HECW1: variants seen among roughly 807,000 people sequenced by gnomAD.
HECW1 encodes the protein HECT, C2 and WW domain containing E3 ubiquitin protein ligase 1, also known as E3 ubiquitin-protein ligase HECW1.
Under a neutral mutation model 182.3 loss-of-function variants are expected in HECW1, and 61 were observed. The observed-to-expected ratio is 0.33, with a 90% CI of 0.27 to 0.41. The LOEUF is 0.41. Ranked by LOEUF, HECW1 falls within the 10% of genes least tolerant of loss-of-function variation. HECW1 has a pLI of 1.00. For missense variants in HECW1, 1,739 were observed against 2,108.9 expected (o/e 0.82, Z 3.44); for synonymous variants, 859 against 832.6 (o/e 1.03, Z -0.55).
rs1028808567 is a variant in HECW1, at chr7:43,456,291, C to T, written c.2501-6C>T. ...TTTTTCTTTTTGCCTTTTTATTAAA[C>T]ACTAGACTGGGAAGCTCGAATTGAC... is the stretch of plus-strand genomic sequence containing the variant. On this transcript the variant is annotated splice_polypyrimidine_tract_variant and splice_region_variant and intron_variant, in intron 12 of 29. Coordinates refer to ENST00000395891, the MANE Select transcript of HECW1 (RefSeq NM_015052.5). 1.2e-5 allele frequency: 19 copies of T among 1,606,108 alleles called. No individual in the cohort carries two copies. The African/African-American group carries it at 1.3e-4, about 11-fold the overall frequency.
intron 14 of HECW1, among the ~76,000 whole-genome samples, chr7:43,465,971 AGAAG>A (rs1450481138): frequency 3.7e-5 from 5 of 135,250 alleles, no homozygotes; most frequent in Non-Finnish European, 7.9e-5. Flanking sequence ...GAAAGAAGAA[AGAAG>A]GGAGGGAGGG....
At chr7:43,120,683 A>T (rs1785507723) in intron 2 of HECW1, among the ~76,000 whole-genome samples, 1 of 152,098 alleles carries the variant, frequency 6.6e-6, no homozygotes, top group Non-Finnish European at 1.5e-5. Flanking sequence ...TCACTCTGTA[A>T]CCGAGGCTTG....
chr7:43,530,427 T>A (rs895435781), intron 24 of HECW1, among the ~76,000 whole-genome samples: 1 of 152,010 alleles, frequency 6.6e-6, no homozygotes, highest in Non-Finnish European at 1.5e-5. Flanking sequence ...TATGAAAAAA[T>A]TTAATATACA....
chr7:43,544,544 A>C (rs1404292517), intron 26 of HECW1, among the ~76,000 whole-genome samples: 1 of 152,130 alleles, frequency 6.6e-6, no homozygotes, highest in Non-Finnish European at 1.5e-5. Flanking sequence ...TATGAAAGGC[A>C]CTTTGGTGAT....
At chr7:43,236,595 A>G (rs1395948445) in intron 2 of HECW1, among the ~76,000 whole-genome samples, 3 of 152,210 alleles carry the variant, frequency 2.0e-5, no homozygotes, top group African/African-American at 7.2e-5. Flanking sequence ...GAGACAGAAG[A>G]TTGCATTCTT....
In HECW1 at chr7:43,561,963, G is replaced by T; in HGVS notation, c.*37G>T. 2.6e-6 allele frequency: 3 copies of T among 1,176,016 alleles called. No homozygotes were observed. Among genetic ancestry groups the T allele is most frequent in the Non-Finnish European group, 2.6e-6 (2 of 781,172 alleles). 72.8% of individuals were successfully genotyped at this position (1,176,016 alleles called of 1,614,324 possible). On this transcript the variant is annotated 3_prime_UTR_variant, in exon 30 of 30. Transcript: ENST00000395891. ...CTCGCCTGACATTTTCCTGGCCAGT[G>T]ACATCACCCTTCCTGGGATGATCCC...
chr7:43,504,394 T>G (rs1162834946), intron 21 of HECW1, among the ~76,000 whole-genome samples: 1 of 152,210 alleles, frequency 6.6e-6, no homozygotes, highest in Non-Finnish European at 1.5e-5. Context: ...CATCAAGGCC[T>G]CTGGTTCACG....
intron 6 of HECW1, among the ~76,000 whole-genome samples, chr7:43,379,479 A>G (rs768234602): frequency 6.6e-6 from 1 of 152,028 alleles, no homozygotes; most frequent in Non-Finnish European, 1.5e-5. Flanking sequence ...TGCATAGTCC[A>G]CTGTCCTCTC....
intron 8 of HECW1, among the ~76,000 whole-genome samples, chr7:43,431,541 C>A (rs2076548802): frequency 6.6e-6 from 1 of 152,194 alleles, no homozygotes; most frequent in Non-Finnish European, 1.5e-5. Flanking sequence ...GATCTGCCTC[C>A]TCCAGGCCTG....
At chr7:43,228,224 G>T (rs1487612199) in intron 2 of HECW1, among the ~76,000 whole-genome samples, 1 of 152,042 alleles carries the variant, frequency 6.6e-6, no homozygotes, top group African/African-American at 2.4e-5. Context: ...AGTGGCTCAC[G>T]CCTGTAATCC....
chr7:43,200,320 A>C (rs886836129), intron 2 of HECW1, among the ~76,000 whole-genome samples: 1 of 152,256 alleles, frequency 6.6e-6, no homozygotes, highest in East Asian at 1.9e-4. Flanking sequence ...CCTTTGTAAT[A>C]TGATGCAGTA....
intron 19 of HECW1, among the ~76,000 whole-genome samples, chr7:43,495,118 T>A (rs1276113650): frequency 6.6e-6 from 1 of 152,062 alleles, no homozygotes; most frequent in Non-Finnish European, 1.5e-5. Flanking sequence ...TTGTTTTTAA[T>A]TTTTTTTATT....
At position 43,114,177 on chromosome 7, in the gene HECW1, A is replaced by C; in HGVS notation, c.-246A>C. 1 of 1,190,454 alleles carries C rather than the reference A, an allele frequency of 8.4e-7. No homozygotes were observed. The highest frequency in any genetic ancestry group is 1.1e-6 in the Non-Finnish European group (1 of 902,242). 73.7% of individuals were successfully genotyped at this position (1,190,454 alleles called of 1,614,324 possible). A position where few individuals can be genotyped will look rare whatever the true frequency, so the allele number is the denominator to read the frequency against. ...AAAAGATATCAATGCTATGTTCAGC[A>C]GAAACGGATACAGCAAGAGCAGCAT... On this transcript the variant is annotated 5_prime_UTR_variant, in exon 2 of 30. Transcript: ENST00000395891.
At chr7:43,170,342 C>T (rs1791558509) in intron 2 of HECW1, among the ~76,000 whole-genome samples, 1 of 152,086 alleles carries the variant, frequency 6.6e-6, no homozygotes, top group South Asian at 2.1e-4. Context: ...CTTGAATCAT[C>T]TCAAAATCAT....
chr7:43,352,662 G>T (rs12702033), intron 5 of HECW1, among the ~76,000 whole-genome samples: 5,333 of 152,224 alleles, frequency 0.035, 99 homozygotes, highest in Middle Eastern at 0.041. Context: ...AAGAATGACA[G>T]GTGACATTTA....
intron 5 of HECW1, among the ~76,000 whole-genome samples, chr7:43,326,479 G>A (rs1810804589): frequency 1.3e-5 from 2 of 152,186 alleles, no homozygotes; most frequent in Non-Finnish European, 1.5e-5. Context: ...TAAAATGAAA[G>A]TGATATATGT....
intron 8 of HECW1, among the ~76,000 whole-genome samples, chr7:43,426,366 A>G (rs550818474): frequency 6.6e-6 from 1 of 152,232 alleles, no homozygotes; most frequent in African/African-American, 2.4e-5. Context: ...TAAAGTTAGT[A>G]TAAAAGGTGA....
chr7:43,149,172 A>G (rs889597567), intron 2 of HECW1, among the ~76,000 whole-genome samples: 8 of 152,206 alleles, frequency 5.3e-5, no homozygotes, highest in African/African-American at 1.9e-4. Flanking sequence ...ATTGATTACA[A>G]AGAAAAAATA....
At chr7:43,460,308 A>T (rs2077538205) in intron 13 of HECW1, among the ~76,000 whole-genome samples, 1 of 152,168 alleles carries the variant, frequency 6.6e-6, no homozygotes, top group Admixed American at 6.5e-5. Flanking sequence ...GTTTTTGTTG[A>T]TGTAAGAGGT....
Sources: gnomAD v4.1 joint callset for allele counts (sites outside exome capture counted in the v4.1 genomes callset) on GRCh38, gnomAD v4.1.1 for gene constraint, MANE v1.5 for transcripts, NCBI Gene and HGNC (gene_info 2026-07-23, HGNC 2026-07-21) for gene names.